Variants in RERE observed in about 807,000 individuals in gnomAD.
The protein encoded by RERE is arginine-glutamic acid dipeptide repeats protein.
Under a neutral mutation model 146.1 loss-of-function variants are expected in RERE, and 40 were observed. The observed-to-expected ratio is 0.27, with a 90% CI of 0.21 to 0.36. The LOEUF (loss-of-function observed/expected upper bound fraction) is 0.36, where lower values mean the gene tolerates loss of function less well. Among genes scored for constraint, RERE ranks in the 10% least tolerant of loss-of-function variants. The pLI, the probability that RERE is intolerant of heterozygous loss-of-function variation, is 1.00. For missense variants in RERE, 1,933 were observed against 2,138.7 expected (o/e 0.90, Z 1.90); for synonymous variants, 1,003 against 866.0 (o/e 1.16, Z -2.78).
At chr1:8,357,294 T>G (rs1349994464) in intron 20 of RERE, among the ~76,000 whole-genome samples, 1 of 152,208 alleles carries the variant, frequency 6.6e-6, no homozygotes, top group African/African-American at 2.4e-5. Flanking sequence ...ATACTGAGGC[T>G]TGTAAGGTCT....
At chr1:8,768,067 T>C (rs944898993) in intron 1 of RERE, among the ~76,000 whole-genome samples, 3 of 152,158 alleles carry the variant, frequency 2.0e-5, no homozygotes, top group African/African-American at 7.2e-5. Flanking sequence ...CCACTTGAAA[T>C]AGTCACAGGC....
At chr1:8,711,328 T>C (rs1639664521) in intron 1 of RERE, among the ~76,000 whole-genome samples, 1 of 152,154 alleles carries the variant, frequency 6.6e-6, no homozygotes. Flanking sequence ...TGTTATGACA[T>C]TAGTCATCAA....
In RERE at chr1:8,355,130, C is replaced by CA; in HGVS notation, c.4668-11dup. 6.2e-7 allele frequency: 1 copy of CA among 1,613,790 alleles called. No homozygotes were observed. Reference sequence around the variant, plus strand: ...TTCTTTCTTCAGTCGACTGGAAAGACAAAACAGGAAAGCGTATTTAGTCTC... The same window carrying CA: ...TTCTTTCTTCAGTCGACTGGAAAGACAAAAACAGGAAAGCGTATTTAGTCTC... On this transcript the variant is annotated splice_polypyrimidine_tract_variant and intron_variant, in intron 22 of 22. Transcript: ENST00000400908.
chr1:8,726,805 G>A (rs950817213), intron 1 of RERE, among the ~76,000 whole-genome samples: 2 of 151,594 alleles, frequency 1.3e-5, no homozygotes, highest in Non-Finnish European at 2.9e-5. Context: ...GTAAACTGAC[G>A]TTTATTTATT....
At chr1:8,699,001 G>T (rs902322901) in intron 1 of RERE, among the ~76,000 whole-genome samples, 1 of 152,030 alleles carries the variant, frequency 6.6e-6, no homozygotes, top group African/African-American at 2.4e-5. Context: ...TCACTAACCT[G>T]CTCAGAAATT....
Position 8,358,792 on chromosome 1 carries a change from G to A in RERE, c.3743C>T (p.Pro1248Leu). Residue 1248 changes from proline (P) to leucine (L), a missense_variant, in exon 20 of 23, where the codon CCC becomes CTC. Around this residue, in one of 11 missense-constraint regions of RERE, gnomAD observed 1,255 missense variants for 1,153.8 expected, o/e 1.09. Transcript: ENST00000400908. ...CAGAGTCCGAAGGGCAGGTGTGTCG[G>A]GCCCGATGTAGGGGGGCACAGCAGC... ...TIAAVPPYIG[P>L]DTPALRTLSE... 6.2e-7 allele frequency: 1 copy of A among 1,612,816 alleles called. No homozygotes were observed. Among genetic ancestry groups the A allele is most frequent in the Admixed American group, 1.7e-5 (1 of 59,852 alleles).
intron 11 of RERE, among the ~76,000 whole-genome samples, chr1:8,462,402 G>C (rs1570278021): frequency 6.6e-6 from 1 of 152,234 alleles, no homozygotes; most frequent in Admixed American, 6.5e-5. Flanking sequence ...ACTGCCAAGC[G>C]AGTGACGCGC....
At chr1:8,803,600 G>A (rs1420547811) in intron 1 of RERE, among the ~76,000 whole-genome samples, 1 of 152,072 alleles carries the variant, frequency 6.6e-6, no homozygotes, top group African/African-American at 2.4e-5. Flanking sequence ...CTGTTTTTTT[G>A]AGACAGAGTC....
chr1:8,639,062 C>T (rs572163987), intron 2 of RERE, among the ~76,000 whole-genome samples: 8 of 152,006 alleles, frequency 5.3e-5, no homozygotes, highest in African/African-American at 1.4e-4. Flanking sequence ...CGTGAGCCAC[C>T]GCGCCCAGCC....
intron 2 of RERE, among the ~76,000 whole-genome samples, chr1:8,650,123 G>C (rs528875163): frequency 2.6e-5 from 4 of 152,260 alleles, no homozygotes; most frequent in South Asian, 4.2e-4. Context: ...CAAAATTAAG[G>C]TAATCCCAGA....
chr1:8,419,805 T>C (rs1299687321), intron 12 of RERE, among the ~76,000 whole-genome samples: 1 of 152,204 alleles, frequency 6.6e-6, no homozygotes, highest in Non-Finnish European at 1.5e-5. Flanking sequence ...AGCAAGTAAG[T>C]AGCAGAGAAG....
intron 12 of RERE, among the ~76,000 whole-genome samples, chr1:8,422,399 T>G (rs1017038505): frequency 2.6e-5 from 4 of 152,176 alleles, no homozygotes; most frequent in African/African-American, 9.7e-5. Flanking sequence ...TATTTCCTAT[T>G]CCAGCCACTA....
At chr1:8,577,051 C>T (rs551775651) in intron 4 of RERE, among the ~76,000 whole-genome samples, 1 of 152,050 alleles carries the variant, frequency 6.6e-6, no homozygotes, top group African/African-American at 2.4e-5. Flanking sequence ...CGCCTGTAGT[C>T]CCAGCTACTT....
At chr1:8,428,598 C>T (rs1644049857) in intron 11 of RERE, 1 of 152,110 alleles carries the variant, frequency 6.6e-6, no homozygotes, top group African/African-American at 2.4e-5. Context: ...AGTAAGTTAC[C>T]TGAACCCAGC....
intron 11 of RERE, among the ~76,000 whole-genome samples, chr1:8,450,607 C>A (rs1644379367): frequency 6.6e-6 from 1 of 152,196 alleles, no homozygotes; most frequent in African/African-American, 2.4e-5. Flanking sequence ...CATACCCCAA[C>A]CCCCGAGCCC....
chr1:8,461,116 G>C (rs954927707), intron 11 of RERE, among the ~76,000 whole-genome samples: 2 of 152,032 alleles, frequency 1.3e-5, no homozygotes, highest in Admixed American at 1.3e-4. Context: ...AATCTGTTTC[G>C]ATTAGGTGCA....
intron 6 of RERE, among the ~76,000 whole-genome samples, chr1:8,552,321 C>T (rs1406182881): frequency 1.3e-5 from 2 of 152,150 alleles, no homozygotes; most frequent in African/African-American, 4.8e-5. Flanking sequence ...GGCAAGAGCC[C>T]CCTCAGAGTT....
At position 8,354,715 on chromosome 1, in the gene RERE, A is replaced by G. The variant is rs1234572407; in HGVS notation, c.*372T>C. On this transcript the variant is annotated 3_prime_UTR_variant, in exon 23 of 23. Coordinates refer to ENST00000400908, the MANE Select transcript of RERE (RefSeq NM_001042681.2). ...GTGGGCTCTGGAGCACTCGTGGCGG[A>G]GTGTGTCAGTGTGTCTGCACGCACA... 5.0e-6 allele frequency: 1 copy of G among 198,542 alleles called. No homozygotes were observed. The highest frequency in any genetic ancestry group is 1.0e-5 in the Non-Finnish European group (1 of 99,466). The allele number at this position is 198,542 out of a possible 1,614,324, so 12.3% of individuals were successfully genotyped here. A position where few individuals can be genotyped will look rare whatever the true frequency, so the allele number is the denominator to read the frequency against.
In RERE at chr1:8,556,390, A is replaced by G. The variant is rs1570434010; in HGVS notation, c.725+85T>C. 4 of 807,904 alleles carry G rather than the reference A, an allele frequency of 5.0e-6. No homozygotes were observed. In the Admixed American group the frequency reaches 7.1e-5, roughly 14 times the overall value. The allele number at this position is 807,904 out of a possible 1,614,324, so 50.0% of individuals were successfully genotyped here. ...GAGGAGTCTGATTAATACAGTGACTACTAAAAGATCAGGAGAAATTACTCT... is the reference window on the plus strand; with the variant it reads ...GAGGAGTCTGATTAATACAGTGACTGCTAAAAGATCAGGAGAAATTACTCT... On this transcript the variant is annotated intron_variant, in intron 6 of 22. Transcript: ENST00000400908.
Sources: gnomAD v4.1 joint callset for allele counts (sites outside exome capture counted in the v4.1 genomes callset) on GRCh38, gnomAD v4.1.1 for gene constraint, gnomAD v4.1.1 regional missense constraint, MANE v1.5 for transcripts, NCBI Gene and HGNC (gene_info 2026-07-23, HGNC 2026-07-21) for gene names.